GABRB1: variants seen among roughly 807,000 people sequenced by gnomAD.
GABRB1 encodes gamma-aminobutyric acid type A receptor subunit beta1, also known as gamma-aminobutyric acid receptor subunit beta-1.
In GABRB1, 17 loss-of-function variants were observed where a neutral mutation model predicts 51.6. The ratio of observed to expected loss-of-function variants is 0.33; its 90% CI spans 0.23 to 0.49. The LOEUF is 0.49. Ranked by LOEUF, GABRB1 falls within the 20% of genes least tolerant of loss-of-function variation. GABRB1 has a pLI of 0.99. For synonymous variants in GABRB1, 247 were observed against 218.9 expected, an observed-to-expected ratio of 1.13 and a Z score of -1.14; for missense variants, 410 against 600.6, an observed-to-expected ratio of 0.68 and a Z score of 3.32.
chr4:47,301,320 A>C (rs1724250525), intron 4 of GABRB1, among the ~76,000 whole-genome samples: 1 of 152,166 alleles, frequency 6.6e-6, no homozygotes, highest in Admixed American at 6.5e-5. Context: ...ATTCATGTAA[A>C]AGTATAAAAC....
intron 4 of GABRB1, among the ~76,000 whole-genome samples, chr4:47,245,278 A>C (rs780032240): frequency 4.6e-5 from 7 of 152,180 alleles, no homozygotes; most frequent in Admixed American, 2.0e-4. Flanking sequence ...ACTATTTCCT[A>C]ATATAACTTG....
At chr4:47,103,031 A>G (rs1355174567) in intron 3 of GABRB1, among the ~76,000 whole-genome samples, 3 of 152,044 alleles carry the variant, frequency 2.0e-5, no homozygotes, top group African/African-American at 7.2e-5. Context: ...GTTGTTGTGC[A>G]TTCTATGACA....
intron 5 of GABRB1, among the ~76,000 whole-genome samples, chr4:47,371,416 A>C (rs1727191831): frequency 6.6e-6 from 1 of 152,226 alleles, no homozygotes; most frequent in Non-Finnish European, 1.5e-5. Context: ...ATGTACATTT[A>C]TAATGGAATG....
intron 4 of GABRB1, among the ~76,000 whole-genome samples, chr4:47,238,553 T>C (rs1426966466): frequency 6.6e-6 from 1 of 152,154 alleles, no homozygotes; most frequent in African/African-American, 2.4e-5. Context: ...TACAAGTAAT[T>C]GGCATTCAAA....
At chr4:47,363,905 T>C (rs1003406333) in intron 5 of GABRB1, among the ~76,000 whole-genome samples, 1 of 152,108 alleles carries the variant, frequency 6.6e-6, no homozygotes, top group Non-Finnish European at 1.5e-5. Context: ...CAGGAAGATA[T>C]TAAGGTTAAT....
chr4:47,379,797 T>A (rs1436487897), intron 5 of GABRB1, among the ~76,000 whole-genome samples: 1 of 152,198 alleles, frequency 6.6e-6, no homozygotes, highest in Non-Finnish European at 1.5e-5. Flanking sequence ...ATAATTAGTA[T>A]GAAACTAGGC....
At chr4:47,218,765 A>G (rs1394496091) in intron 4 of GABRB1, among the ~76,000 whole-genome samples, 1 of 151,762 alleles carries the variant, frequency 6.6e-6, no homozygotes, top group Non-Finnish European at 1.5e-5. Flanking sequence ...TATTGTGTTA[A>G]GTGTGCTTTT....
At chr4:47,075,373 A>G (rs1310520500) in intron 3 of GABRB1, among the ~76,000 whole-genome samples, 1 of 152,206 alleles carries the variant, frequency 6.6e-6, no homozygotes, top group Non-Finnish European at 1.5e-5. Context: ...AGTTGTTCAT[A>G]TAGAAATTAA....
chr4:47,262,720 T>C (rs1722489289), intron 4 of GABRB1, among the ~76,000 whole-genome samples: 1 of 152,296 alleles, frequency 6.6e-6, no homozygotes, highest in East Asian at 1.9e-4. Flanking sequence ...CTATAAATCA[T>C]GCTGCTATAA....
rs1420041787 is a variant in GABRB1 at position 47,425,733 on chromosome 4, C to T, written c.1140C>T (p.Gly380=). The change falls in exon 9 of 9, where the codon GGC becomes GGT. Residue 380 remains glycine (G), a synonymous_variant. Transcript: ENST00000295454. ...STLEIRNETS[G]SEVLTSVSDP... is the part of the protein sequence containing the mutation. ...TGGAAATCCGGAATGAGACGAGTGG[C>T]TCGGAAGTGCTCACGAGCGTGAGCG... 2.5e-6 allele frequency: 4 copies of T among 1,613,954 alleles called. No homozygotes were observed. In the African/African-American group the frequency reaches 4.0e-5, roughly 16 times the overall value.
At chr4:47,262,114 A>G (rs2109879956) in intron 4 of GABRB1, among the ~76,000 whole-genome samples, 1 of 151,628 alleles carries the variant, frequency 6.6e-6, no homozygotes, top group East Asian at 1.9e-4. Context: ...AGGCATTACC[A>G]TTCAGGACAT....
chr4:47,386,986 A>C (rs1196766070), intron 5 of GABRB1, among the ~76,000 whole-genome samples: 1 of 152,218 alleles, frequency 6.6e-6, no homozygotes, highest in African/African-American at 2.4e-5. Flanking sequence ...TGATGGTGTC[A>C]CCCCACAAAG....
At chr4:47,354,248 C>A (rs1393857801) in intron 5 of GABRB1, among the ~76,000 whole-genome samples, 1 of 152,144 alleles carries the variant, frequency 6.6e-6, no homozygotes, top group African/African-American at 2.4e-5. Context: ...ATTTAATATG[C>A]TTAATATTAA....
rs1728463109 is a variant in GABRB1 at position 47,403,317 on chromosome 4, GA to G, written c.545del (p.Tyr182LeufsTer54). 6.2e-7 allele frequency: 1 copy of G among 1,613,616 alleles called. No individual in the cohort carries two copies. The highest frequency in any genetic ancestry group is 1.3e-5 in the African/African-American group (1 of 74,910). Reference protein sequence around the residue: ...EQNCTLEIESYGYTTDDIEFY... With the variant: ...EQNCTLEIESXGYTTDDIEFY... ...AACCGTGCTGTTTTTATTGGTTTCA[GA>G]TGGCTATACCACTGATGACATTGAA... On this transcript the variant is annotated frameshift_variant and splice_region_variant, in exon 6 of 9. Coordinates refer to ENST00000295454, the MANE Select transcript of GABRB1 (RefSeq NM_000812.4). LOFTEE classifies it high-confidence loss of function.
intron 4 of GABRB1, among the ~76,000 whole-genome samples, chr4:47,233,637 C>T (rs1721224511): frequency 6.6e-6 from 1 of 152,106 alleles, no homozygotes. Flanking sequence ...TGTCAACTGA[C>T]CAAACTGTAC....
chr4:47,260,592 G>C (rs1286468173), intron 4 of GABRB1, among the ~76,000 whole-genome samples: 2 of 152,080 alleles, frequency 1.3e-5, no homozygotes, highest in Non-Finnish European at 2.9e-5. Context: ...GTGAAGCTTA[G>C]TTTGGCTGGA....
chr4:46,996,463 C>T (rs1724001253), intron 1 of GABRB1, among the ~76,000 whole-genome samples: 1 of 152,070 alleles, frequency 6.6e-6, no homozygotes, highest in Non-Finnish European at 1.5e-5. Flanking sequence ...CTTTAAAGCC[C>T]ACAGTGCCTA....
intron 3 of GABRB1, among the ~76,000 whole-genome samples, chr4:47,135,461 C>T (rs1293617401): frequency 6.6e-6 from 1 of 151,988 alleles, no homozygotes; most frequent in Non-Finnish European, 1.5e-5. Context: ...ACAGCTTAGT[C>T]AAAGTGTGCC....
chr4:47,307,476 C>G (rs1724513144), intron 4 of GABRB1, among the ~76,000 whole-genome samples: 1 of 151,970 alleles, frequency 6.6e-6, no homozygotes, highest in African/African-American at 2.4e-5. Context: ...GATCACCTCT[C>G]AATTCACTTG....
Sources: allele counts gnomAD v4.1 joint callset (sites outside exome capture counted in the v4.1 genomes callset), GRCh38; gene constraint gnomAD v4.1.1; transcripts MANE v1.5; gene names NCBI Gene and HGNC (gene_info 2026-07-23, HGNC 2026-07-21).